The following KRTAP10-12 variants were observed in gnomAD, a reference collection of about 807,000 sequenced individuals.
KRTAP10-12 encodes the protein keratin-associated protein 10-12.
For synonymous variants in KRTAP10-12, 142 were observed against 139.1 expected (o/e 1.02, Z -0.14); for missense variants, 311 against 324.4 (o/e 0.96, Z 0.32).
Position 44,697,322 on chromosome 21 carries a change from T to C in KRTAP10-12, c.121T>C (p.Cys41Arg), listed in dbSNP as rs782279979. The C allele has an allele frequency of 3.7e-6, 6 of 1,613,412 alleles. No individual in the cohort carries two copies. Among genetic ancestry groups the C allele is most frequent in the African/African-American group, 1.3e-5 (1 of 74,990 alleles). ...DCPESCCEPP[C>R]CAPAPCLSLV... Reference sequence around the variant, plus strand: ...CCCAGAGAGCTGCTGTGAGCCCCCCTGCTGCGCCCCGGCCCCCTGCCTGAG... The same window carrying C: ...CCCAGAGAGCTGCTGTGAGCCCCCCCGCTGCGCCCCGGCCCCCTGCCTGAG... Residue 41 changes from cysteine (C) to arginine (R), a missense_variant, in exon 1 of 1, where the codon TGC becomes CGC. Transcript: ENST00000400365.
At position 44,697,836 on chromosome 21, in the gene KRTAP10-12, C is replaced by T; in HGVS notation, c.635C>T (p.Pro212Leu). ...AGACCCGCCCGCCGCGTGCCCGTCC[C>T]CTCCTGCTGTGTCCCCACCTCCTCC... is the stretch of plus-strand genomic sequence containing the variant. ...VCRPARRVPV[P>L]SCCVPTSSCQ... The change falls in exon 1 of 1, where the codon CCC becomes CTC. Residue 212 changes from proline to leucine, a missense_variant. Physicochemically the swap from Pro to Leu is moderately conservative, Grantham distance 98. Coordinates refer to ENST00000400365, the MANE Select transcript of KRTAP10-12 (RefSeq NM_198699.1). 1 of 1,613,404 alleles carries T rather than the reference C, an allele frequency of 6.2e-7. No individual in the cohort carries two copies. The highest frequency in any genetic ancestry group is 8.5e-7 in the Non-Finnish European group (1 of 1,179,804).
At position 44,697,352 on chromosome 21, in the gene KRTAP10-12, G is replaced by T; in HGVS notation, c.151G>T (p.Val51Phe). The T allele has an allele frequency of 6.2e-7, 1 of 1,612,954 alleles. No individual in the cohort carries two copies. Among genetic ancestry groups the T allele is most frequent in the Non-Finnish European group, 8.5e-7 (1 of 1,179,984 alleles). The change falls in exon 1 of 1, where the codon GTC (valine) becomes TTC (phenylalanine). Residue 51 changes from valine (V) to phenylalanine (F), a missense_variant. Val to Phe is a conservative substitution (Grantham distance 50, BLOSUM62 -1). Coordinates refer to ENST00000400365, the MANE Select transcript of KRTAP10-12 (RefSeq NM_198699.1). The part of the protein sequence containing the change: ...CCAPAPCLSL[V>F]CTPVSRVSSP... The stretch of plus-strand genomic sequence containing the variant: ...CGCCCCGGCCCCCTGCCTGAGCCTG[G>T]TCTGCACCCCAGTGAGCCGTGTATC...
Position 44,697,800 on chromosome 21 carries a change from G to C in KRTAP10-12, c.599G>C (p.Arg200Pro), listed in dbSNP as rs377024369. The change falls in exon 1 of 1, where the codon CGC becomes CCC. Residue 200 changes from arginine (R) to proline (P), a missense_variant. Transcript: ENST00000400365. ...RPSSSVSLLC[R>P]PVCRPARRVP... The stretch of plus-strand genomic sequence containing the variant: ...TCCTCCTCCGTGTCCCTCCTCTGCC[G>C]CCCTGTGTGCAGACCCGCCCGCCGC... The C allele has an allele frequency of 6.2e-7, 1 of 1,613,272 alleles. No individual in the cohort carries two copies. Among genetic ancestry groups the C allele is most frequent in the Non-Finnish European group, 8.5e-7 (1 of 1,179,786 alleles).
In KRTAP10-12 at chr21:44,697,516, C is replaced by G. The variant is rs782269736; in HGVS notation, c.315C>G (p.Cys105Trp). 1 of 1,613,084 alleles carries G rather than the reference C, an allele frequency of 6.2e-7. No homozygotes were observed. The change falls in exon 1 of 1, where the codon TGC becomes TGG. Residue 105 changes from cysteine (C) to tryptophan (W), a missense_variant. Coordinates refer to ENST00000400365, the MANE Select transcript of KRTAP10-12 (RefSeq NM_198699.1). Reference sequence around the variant, plus strand: ...CCTCCCCCTGCCAGCAGGCCTGCTGCGTGCCCGTCTGCTGCAAGACTGTCT... The same window carrying G: ...CCTCCCCCTGCCAGCAGGCCTGCTGGGTGCCCGTCTGCTGCAAGACTGTCT... ...CTSSPCQQACCVPVCCKTVCC... is the reference protein window; with the variant it reads ...CTSSPCQQACWVPVCCKTVCC...
chr21:44,697,500 G>A lies in KRTAP10-12; in HGVS notation c.299G>A (p.Cys100Tyr), dbSNP rs1987419058. 3.7e-6 allele frequency: 6 copies of A among 1,613,902 alleles called. No homozygotes were observed. Among genetic ancestry groups the A allele is most frequent in the Non-Finnish European group, 5.1e-6 (6 of 1,179,964 alleles). Residue 100 changes from cysteine (C) to tyrosine (Y), a missense_variant, in exon 1 of 1, where the codon TGC becomes TAC. Cys to Tyr is a radical substitution (Grantham distance 194). Coordinates refer to ENST00000400365, the MANE Select transcript of KRTAP10-12 (RefSeq NM_198699.1). The stretch of plus-strand genomic sequence containing the variant: ...CCGGCTTGCTGCACCTCCTCCCCCT[G>A]CCAGCAGGCCTGCTGCGTGCCCGTC... ...CQPACCTSSP[C>Y]QQACCVPVCC...
rs541435238 is a variant in KRTAP10-12, at chr21:44,697,531, C to T, written c.330C>T (p.Cys110=). ...AGGCCTGCTGCGTGCCCGTCTGCTG[C>T]AAGACTGTCTGCTGCAAGCCTGTGT... ...CQQACCVPVC[C]KTVCCKPVCC... is the part of the protein sequence containing the mutation. Residue 110 remains cysteine, a synonymous_variant, in exon 1 of 1, where the codon TGC becomes TGT. Coordinates refer to ENST00000400365, the MANE Select transcript of KRTAP10-12 (RefSeq NM_198699.1). 11 of 1,613,792 alleles carry T rather than the reference C, an allele frequency of 6.8e-6. No individual in the cohort carries two copies. In the East Asian group the frequency reaches 1.3e-4, roughly 20 times the overall value.
At position 44,697,320 on chromosome 21, in the gene KRTAP10-12, C is replaced by A. The variant is rs781808301; in HGVS notation, c.119C>A (p.Pro40His). Residue 40 changes from proline to histidine, a missense_variant, in exon 1 of 1, where the codon CCC becomes CAC. Transcript: ENST00000400365. ...DDCPESCCEPPCCAPAPCLSL... is the reference protein window; with the variant it reads ...DDCPESCCEPHCCAPAPCLSL... ...TGCCCAGAGAGCTGCTGTGAGCCCC[C>A]CTGCTGCGCCCCGGCCCCCTGCCTG... The A allele has an allele frequency of 5.0e-6, 8 of 1,612,704 alleles. No homozygotes were observed. The highest frequency in any genetic ancestry group is 1.8e-4 in the Middle Eastern group (1 of 5,636).
chr21:44,697,577 G>T lies in KRTAP10-12; in HGVS notation c.376G>T (p.Gly126Trp). The change falls in exon 1 of 1, where the codon GGG (glycine) becomes TGG (tryptophan). Residue 126 changes from glycine to tryptophan, a missense_variant. Transcript: ENST00000400365. ...KPVCCMPVCC[G>W]PSSSCCQQSS... is the part of the protein sequence containing the mutation. ...TGTGTGCTGTATGCCCGTCTGCTGT[G>T]GGCCTTCTTCTTCATGCTGCCAGCA... The T allele has an allele frequency of 6.2e-7, 1 of 1,612,676 alleles. No individual in the cohort carries two copies. The highest frequency in any genetic ancestry group is 1.1e-5 in the South Asian group (1 of 90,986).
chr21:44,697,341 G>C lies in KRTAP10-12; in HGVS notation c.140G>C (p.Cys47Ser), dbSNP rs564420923. ...CCCCCCTGCTGCGCCCCGGCCCCCTGCCTGAGCCTGGTCTGCACCCCAGTG... is the reference window on the plus strand; with the variant it reads ...CCCCCCTGCTGCGCCCCGGCCCCCTCCCTGAGCCTGGTCTGCACCCCAGTG... ...CEPPCCAPAP[C>S]LSLVCTPVSR... is the part of the protein sequence containing the mutation. Residue 47 changes from cysteine to serine, a missense_variant, in exon 1 of 1, where the codon TGC becomes TCC. Physicochemically the swap from Cys to Ser is moderately radical, Grantham distance 112. Coordinates refer to ENST00000400365, the MANE Select transcript of KRTAP10-12 (RefSeq NM_198699.1). The C allele has an allele frequency of 1.2e-6, 2 of 1,613,158 alleles. No individual in the cohort carries two copies. Among genetic ancestry groups the C allele is most frequent in the South Asian group, 1.1e-5 (1 of 91,034 alleles).
rs143759725 is a variant in KRTAP10-12, at chr21:44,697,189, G to A, written c.-13G>A. 1.3e-3 allele frequency: 2,055 copies of A among 1,611,406 alleles called. 24 individuals carry two copies. The African/African-American group carries it at 0.024, about 19-fold the overall frequency. On this transcript the variant is annotated 5_prime_UTR_variant, in exon 1 of 1. Coordinates refer to ENST00000400365, the MANE Select transcript of KRTAP10-12 (RefSeq NM_198699.1). ...GCTCCCCCAGCTCAACCCCCAGCAC[G>A]GCTGCATCCACCATGTCCGTCTGCT...
In KRTAP10-12 at chr21:44,697,375, A is replaced by G. The variant is rs199953303; in HGVS notation, c.174A>G (p.Val58=). 8.5e-4 allele frequency: 1,363 copies of G among 1,605,506 alleles called. 14 individuals carry two copies. The African/African-American group carries it at 0.015, about 18-fold the overall frequency. ...TGGTCTGCACCCCAGTGAGCCGTGT[A>G]TCCAGCCCCTGCTGCCGAGTGACCT... ...LSLVCTPVSR[V]SSPCCRVTCE... Residue 58 remains valine, a synonymous_variant, in exon 1 of 1, where the codon GTA becomes GTG. Coordinates refer to ENST00000400365, the MANE Select transcript of KRTAP10-12 (RefSeq NM_198699.1).
rs566811754 is a variant in KRTAP10-12, at chr21:44,697,378, C to G, written c.177C>G (p.Ser59=). ...SLVCTPVSRV[S]SPCCRVTCEP... ...TCTGCACCCCAGTGAGCCGTGTATC[C>G]AGCCCCTGCTGCCGAGTGACCTGTG... The change falls in exon 1 of 1, where the codon TCC becomes TCG. Residue 59 remains serine, a synonymous_variant. Transcript: ENST00000400365. 1.6e-4 allele frequency: 252 copies of G among 1,613,414 alleles called. 2 individuals carry two copies. In the South Asian group the frequency reaches 2.6e-3, roughly 17 times the overall value.
In KRTAP10-12 at chr21:44,697,668, G is replaced by T; in HGVS notation, c.467G>T (p.Cys156Phe). The change falls in exon 1 of 1, where the codon TGC (cysteine) becomes TTC (phenylalanine). Residue 156 changes from cysteine to phenylalanine, a missense_variant. Transcript: ENST00000400365. ...PCQQSCCVPV[C>F]CKPICCVPVC... is the part of the protein sequence containing the mutation. Reference sequence around the variant, plus strand: ...CAACAGTCCTGCTGTGTGCCCGTCTGCTGCAAGCCCATCTGCTGTGTGCCT... The same window carrying T: ...CAACAGTCCTGCTGTGTGCCCGTCTTCTGCAAGCCCATCTGCTGTGTGCCT... 2 of 1,613,004 alleles carry T rather than the reference G, an allele frequency of 1.2e-6. No homozygotes were observed. The highest frequency in any genetic ancestry group is 8.5e-7 in the Non-Finnish European group (1 of 1,179,916).
chr21:44,697,176 C>G lies in KRTAP10-12; in HGVS notation c.-26C>G. 4 of 1,606,328 alleles carry G rather than the reference C, an allele frequency of 2.5e-6. No homozygotes were observed. Among genetic ancestry groups the G allele is most frequent in the Non-Finnish European group, 2.6e-6 (3 of 1,175,890 alleles). ...TGTCTCCCTCTCAGCTCCCCCAGCTCAACCCCCAGCACGGCTGCATCCACC... is the reference window on the plus strand; with the variant it reads ...TGTCTCCCTCTCAGCTCCCCCAGCTGAACCCCCAGCACGGCTGCATCCACC... On this transcript the variant is annotated 5_prime_UTR_variant, in exon 1 of 1. Coordinates refer to ENST00000400365, the MANE Select transcript of KRTAP10-12 (RefSeq NM_198699.1).
rs199697371 is a variant in KRTAP10-12 at position 44,697,639 on chromosome 21, G to A, written c.438G>A (p.Pro146=). Reference sequence around the variant, plus strand: ...AGCCAGCTTGCTGCATCTCCTCCCCGTGTCAACAGTCCTGCTGTGTGCCCG... The same window carrying A: ...AGCCAGCTTGCTGCATCTCCTCCCCATGTCAACAGTCCTGCTGTGTGCCCG... The part of the protein sequence containing the change: ...SCQPACCISS[P]CQQSCCVPVC... Residue 146 remains proline, a synonymous_variant, in exon 1 of 1, where the codon CCG becomes CCA. Transcript: ENST00000400365. 92 of 1,610,378 alleles carry A rather than the reference G, an allele frequency of 5.7e-5. No individual in the cohort carries two copies. Among genetic ancestry groups the A allele is most frequent in the African/African-American group, 8.2e-5 (6 of 73,312 alleles).
Position 44,697,613 on chromosome 21 carries a change from C to T in KRTAP10-12, c.412C>T (p.Gln138Ter), listed in dbSNP as rs1569265809. 1 of 1,614,026 alleles carries T rather than the reference C, an allele frequency of 6.2e-7. No individual in the cohort carries two copies. ...SSSCCQQSSCQPACCISSPCQ... is the reference protein window; with the variant it reads ...SSSCCQQSSC ...TTCATGCTGCCAGCAGTCTAGCTGC[C>T]AGCCAGCTTGCTGCATCTCCTCCCC... Residue 138 changes from glutamine (Q) to a stop codon, truncating the protein, a stop_gained, in exon 1 of 1, where the codon CAG becomes TAG. Coordinates refer to ENST00000400365, the MANE Select transcript of KRTAP10-12 (RefSeq NM_198699.1). LOFTEE classifies it low-confidence loss of function (END_TRUNC).
In KRTAP10-12 at chr21:44,697,813, ACCCG is replaced by A. The variant is rs782015236; in HGVS notation, c.619_622del (p.Arg207AlafsTer61). ...CCCTCCTCTGCCGCCCTGTGTGCAGACCCGCCCGCCGCGTGCCCGTCCCCTCCTG... is the reference window on the plus strand; with the variant it reads ...CCCTCCTCTGCCGCCCTGTGTGCAGACCCGCCGCGTGCCCGTCCCCTCCTG... On this transcript the variant is annotated frameshift_variant, in exon 1 of 1. Transcript: ENST00000400365. LOFTEE classifies it low-confidence loss of function (END_TRUNC). 2 of 1,608,832 alleles carry A rather than the reference ACCCG, an allele frequency of 1.2e-6. No homozygotes were observed. The highest frequency in any genetic ancestry group is 1.1e-5 in the South Asian group (1 of 90,774).
chr21:44,697,317 C>T lies in KRTAP10-12; in HGVS notation c.116C>T (p.Pro39Leu), dbSNP rs782603842. Residue 39 changes from proline to leucine, a missense_variant, in exon 1 of 1, where the codon CCC (proline) becomes CTC (leucine). Coordinates refer to ENST00000400365, the MANE Select transcript of KRTAP10-12 (RefSeq NM_198699.1). ...GACTGCCCAGAGAGCTGCTGTGAGC[C>T]CCCCTGCTGCGCCCCGGCCCCCTGC... ...VDDCPESCCE[P>L]PCCAPAPCLS... The T allele has an allele frequency of 2.5e-6, 4 of 1,613,350 alleles. No homozygotes were observed. The East Asian group carries it at 8.9e-5, about 36-fold the overall frequency.
At position 44,697,883 on chromosome 21, in the gene KRTAP10-12, C is replaced by G; in HGVS notation, c.682C>G (p.Leu228Val). Residue 228 changes from leucine to valine, a missense_variant, in exon 1 of 1, where the codon CTG (leucine) becomes GTG (valine). Coordinates refer to ENST00000400365, the MANE Select transcript of KRTAP10-12 (RefSeq NM_198699.1). ...TSSCQPSCGR[L>V]ASCGSLLCRP... ...CTCCTGCCAGCCAAGCTGCGGCCGCCTGGCCTCCTGCGGGTCCCTCCTCTG... is the reference window on the plus strand; with the variant it reads ...CTCCTGCCAGCCAAGCTGCGGCCGCGTGGCCTCCTGCGGGTCCCTCCTCTG... 6.2e-7 allele frequency: 1 copy of G among 1,603,324 alleles called. No homozygotes were observed. The highest frequency in any genetic ancestry group is 8.5e-7 in the Non-Finnish European group (1 of 1,174,636).
Sources: allele counts gnomAD v4.1 joint callset, GRCh38; gene constraint gnomAD v4.1.1; transcripts MANE v1.5; gene names NCBI Gene and HGNC (gene_info 2026-07-23, HGNC 2026-07-21).